The following NRXN1 variants were observed in gnomAD, a reference collection of about 807,000 sequenced individuals.
NRXN1 encodes the protein neurexin 1.
In NRXN1, 39 loss-of-function variants were observed where a neutral mutation model predicts 150.9. That is an observed-to-expected ratio of 0.26 (90% CI 0.20 to 0.34). The LOEUF (loss-of-function observed/expected upper bound fraction) is 0.34. Among genes scored for constraint, NRXN1 ranks in the 10% least tolerant of loss-of-function variants. The pLI is 1.00. For synonymous variants in NRXN1, 924 were observed against 757.0 expected, an observed-to-expected ratio of 1.22 and a Z score of -3.62; for missense variants, 1,815 against 1,949.9, an observed-to-expected ratio of 0.93 and a Z score of 1.30.
chr2:50,394,822 CT>C (rs2081959468), intron 17 of NRXN1, among the ~76,000 whole-genome samples: 1 of 152,066 alleles, frequency 6.6e-6, no homozygotes, highest in Non-Finnish European at 1.5e-5. Flanking sequence ...CCTTCCTGCT[CT>C]TCCTGGCCTC....
intron 21 of NRXN1, chr2:50,024,021 T>A (rs1339891300): frequency 1.3e-5 from 2 of 152,206 alleles, no homozygotes; most frequent in African/African-American, 4.8e-5. Flanking sequence ...TGGATGTCTG[T>A]CTAGATACAT....
chr2:50,509,509 A>G (rs1402278795), intron 12 of NRXN1, among the ~76,000 whole-genome samples: 1 of 152,142 alleles, frequency 6.6e-6, no homozygotes, highest in Admixed American at 6.5e-5. Flanking sequence ...AACACACTCA[A>G]CTTCTGGTGG....
chr2:50,506,040 AT>A (rs1186367772), intron 13 of NRXN1, among the ~76,000 whole-genome samples: 5 of 152,304 alleles, frequency 3.3e-5, no homozygotes, highest in African/African-American at 1.2e-4. Flanking sequence ...ATAATCTATT[AT>A]AGCTTAAAAT....
intron 8 of NRXN1, among the ~76,000 whole-genome samples, chr2:50,600,483 T>A (rs988400552): frequency 6.6e-6 from 1 of 151,892 alleles, no homozygotes; most frequent in Non-Finnish European, 1.5e-5. Context: ...TGCCACCATG[T>A]CCGGCTAATT....
At chr2:50,567,078 C>G (rs952014728) in intron 8 of NRXN1, among the ~76,000 whole-genome samples, 2 of 152,190 alleles carry the variant, frequency 1.3e-5, no homozygotes, top group African/African-American at 2.4e-5. Flanking sequence ...TTTCTCCTTT[C>G]TGTCCTATGC....
At chr2:50,250,088 C>T (rs894474778) in intron 17 of NRXN1, among the ~76,000 whole-genome samples, 2 of 152,142 alleles carry the variant, frequency 1.3e-5, no homozygotes, top group South Asian at 2.1e-4. Context: ...ATTTAAATCT[C>T]TTTTATAAAT....
At chr2:50,616,460 G>GT (rs1462765670) in intron 8 of NRXN1, 1 of 152,128 alleles carries the variant, frequency 6.6e-6, no homozygotes, top group Admixed American at 6.5e-5. Context: ...ATTATAGGTT[G>GT]TTTCAATATG....
At chr2:50,298,673 C>T (rs2073864417) in intron 17 of NRXN1, among the ~76,000 whole-genome samples, 1 of 152,126 alleles carries the variant, frequency 6.6e-6, no homozygotes, top group African/African-American at 2.4e-5. Flanking sequence ...TGTGTGGTTC[C>T]TCAGACCTGG....
intron 2 of NRXN1, among the ~76,000 whole-genome samples, chr2:50,957,552 T>C (rs748529669): frequency 6.6e-6 from 1 of 152,114 alleles, no homozygotes; most frequent in South Asian, 2.1e-4. Context: ...TGACAAATCC[T>C]TAAAGAAATA....
rs141444424 is a variant in NRXN1 at position 50,787,580 on chromosome 2, AAAC to A, written c.832+134286_832+134288del. Among the ~76,000 whole-genome samples, 520 of 151,628 alleles carry A rather than the reference AAAC, an allele frequency of 3.4e-3. 1 individual carries two copies. Among genetic ancestry groups the A allele is most frequent in the African/African-American group, 9.6e-3 (397 of 41,350 alleles). Reference sequence around the variant, plus strand: ...CTAAAAAAAGACAAAAAACAAAACAAAACAACAACAACAACAACAACAACAAAA... The same window carrying A: ...CTAAAAAAAGACAAAAAACAAAACAAAACAACAACAACAACAACAACAAAA... On this transcript the variant is annotated intron_variant, in intron 5 of 22. Coordinates refer to ENST00000401669, the MANE Select transcript of NRXN1 (RefSeq NM_001330078.2).
chr2:50,046,798 G>A (rs1253724231), intron 21 of NRXN1, among the ~76,000 whole-genome samples: 1 of 152,076 alleles, frequency 6.6e-6, no homozygotes, highest in Non-Finnish European at 1.5e-5. Flanking sequence ...TCCCACACAA[G>A]CTTTCAGACC....
At chr2:50,661,563 GT>G (rs1214922756) in intron 5 of NRXN1, among the ~76,000 whole-genome samples, 1 of 152,006 alleles carries the variant, frequency 6.6e-6, no homozygotes, top group African/African-American at 2.4e-5. Flanking sequence ...CCCAACAGCT[GT>G]TTAGACACAT....
At chr2:50,562,306 T>G (rs537720893) in intron 8 of NRXN1, among the ~76,000 whole-genome samples, 2 of 150,054 alleles carry the variant, frequency 1.3e-5, no homozygotes, top group East Asian at 4.0e-4. Flanking sequence ...ATAGATAGAT[T>G]AGACAAATAT....
At chr2:50,670,572 A>G (rs544397634) in intron 5 of NRXN1, among the ~76,000 whole-genome samples, 30 of 152,048 alleles carry the variant, frequency 2.0e-4, no homozygotes, top group African/African-American at 6.0e-4. Context: ...CATGGATTCA[A>G]TATTATTCAC....
At chr2:50,337,312 C>T (rs191056187) in intron 17 of NRXN1, among the ~76,000 whole-genome samples, 2 of 151,894 alleles carry the variant, frequency 1.3e-5, no homozygotes, top group South Asian at 2.1e-4. Context: ...CTCGAACTCC[C>T]GACCTCAAAT....
chr2:50,103,108 T>C (rs1701185025), intron 18 of NRXN1, among the ~76,000 whole-genome samples: 1 of 152,100 alleles, frequency 6.6e-6, no homozygotes, highest in Admixed American at 6.6e-5. Flanking sequence ...CATTCATCAA[T>C]GTGCATTATG....
At chr2:50,833,816 C>A (rs1017125708) in intron 5 of NRXN1, among the ~76,000 whole-genome samples, 8 of 152,108 alleles carry the variant, frequency 5.3e-5, no homozygotes, top group African/African-American at 1.4e-4. Flanking sequence ...TTAAAAAAAT[C>A]TTCTAAGGAA....
intron 2 of NRXN1, among the ~76,000 whole-genome samples, chr2:50,954,919 G>C (rs1338176218): frequency 6.6e-6 from 1 of 152,148 alleles, no homozygotes; most frequent in Non-Finnish European, 1.5e-5. Flanking sequence ...TTGGTGTACA[G>C]CATTTTTGCT....
At chr2:50,683,415 G>A (rs541900099) in intron 5 of NRXN1, among the ~76,000 whole-genome samples, 70 of 150,192 alleles carry the variant, frequency 4.7e-4, no homozygotes, top group South Asian at 8.5e-4. Flanking sequence ...GGCGGATCAC[G>A]AGGTCAGGAG....
Sources: gnomAD v4.1 joint callset for allele counts (sites outside exome capture counted in the v4.1 genomes callset) on GRCh38, gnomAD v4.1.1 for gene constraint, MANE v1.5 for transcripts, NCBI Gene and HGNC (gene_info 2026-07-23, HGNC 2026-07-21) for gene names.